Variants in SCN8A observed in about 807,000 individuals in gnomAD.
SCN8A encodes sodium channel protein type 8 subunit alpha.
SCN8A carries 30 observed loss-of-function variants against 184.1 expected under a neutral mutation model. That is an observed-to-expected ratio of 0.16 (90% CI 0.12 to 0.22). The LOEUF is 0.22. Among genes scored for constraint, SCN8A ranks in the 10% least tolerant of loss-of-function variants. The pLI is 1.00. For synonymous variants in SCN8A, 852 were observed against 907.0 expected (o/e 0.94, Z 1.09); for missense variants, 1,057 against 2,498.9 (o/e 0.42, Z 12.30).
At chr12:51,663,159 G>C in intron 2 of SCN8A, 66 bp downstream of exon 2, 1 of 1,552,406 alleles carries the variant, frequency 6.4e-7, no homozygotes, top group Non-Finnish European at 8.8e-7. Flanking sequence ...AGATGGGGGA[G>C]AAAGAACTGT....
intron 13 of SCN8A, among the ~76,000 whole-genome samples, chr12:51,746,696 G>T (rs1410623155): frequency 6.6e-6 from 1 of 152,026 alleles, no homozygotes; most frequent in Non-Finnish European, 1.5e-5. Flanking sequence ...TGTTAGGTGG[G>T]TTCTCTGTGA....
At chr12:51,733,279 A>G (rs1942273046) in intron 12 of SCN8A, among the ~76,000 whole-genome samples, 1 of 152,164 alleles carries the variant, frequency 6.6e-6, no homozygotes, top group Non-Finnish European at 1.5e-5. Flanking sequence ...GTTGAATTTT[A>G]TAAAATGCTT....
At chr12:51,661,848 A>G (rs984308047) in intron 1 of SCN8A, among the ~76,000 whole-genome samples, 1 of 152,232 alleles carries the variant, frequency 6.6e-6, no homozygotes, top group Non-Finnish European at 1.5e-5. Context: ...TCTTATAAAC[A>G]TAAATGGAAA....
In SCN8A at chr12:51,706,528, T is replaced by C. The variant is rs1347263498; in HGVS notation, c.1448T>C (p.Leu483Pro). 1.9e-6 allele frequency: 3 copies of C among 1,605,618 alleles called. No homozygotes were observed. Among genetic ancestry groups the C allele is most frequent in the Non-Finnish European group, 2.6e-6 (3 of 1,176,120 alleles). ...CGGAGCTCTTCTGAAATCTCTAAAC[T>C]CAGCTCAAAGAGTGCAAAGGAAAGA... ...SPRSSSEISKLSSKSAKERRN... is the reference protein window; with the variant it reads ...SPRSSSEISKPSSKSAKERRN... The change falls in exon 11 of 27, where the codon CTC becomes CCC. Residue 483 changes from leucine (L) to proline (P), a missense_variant. Around this residue, in one of 19 missense-constraint regions of SCN8A, gnomAD observed 322 missense variants for 390.1 expected, o/e 0.83. Coordinates refer to ENST00000627620, the MANE Select transcript of SCN8A (RefSeq NM_001330260.2).
chr12:51,610,574 G>A (rs760636068), intron 1 of SCN8A, among the ~76,000 whole-genome samples: 31 of 152,116 alleles, frequency 2.0e-4, no homozygotes, highest in Admixed American at 3.9e-4. Context: ...AGCAGTTCTT[G>A]TACTGGTGGC....
chr12:51,773,053 G>C (rs1432381918), intron 19 of SCN8A, among the ~76,000 whole-genome samples: 1 of 151,910 alleles, frequency 6.6e-6, no homozygotes, highest in Non-Finnish European at 1.5e-5. Flanking sequence ...GGAGGTGGAG[G>C]TTGCAGTGAG....
At chr12:51,770,235 A>C in intron 18 of SCN8A, 1 of 588,584 alleles carries the variant, frequency 1.7e-6, no homozygotes, top group Admixed American at 3.1e-5. Flanking sequence ...TTTCCATTAG[A>C]ATGTCCTGTT....
intron 1 of SCN8A, among the ~76,000 whole-genome samples, chr12:51,629,051 A>G (rs1374381621): frequency 6.6e-6 from 1 of 152,156 alleles, no homozygotes; most frequent in Non-Finnish European, 1.5e-5. Flanking sequence ...CAGAACAGGG[A>G]TTTGACTACT....
At chr12:51,598,306 C>A (rs750949572) in intron 1 of SCN8A, among the ~76,000 whole-genome samples, 12 of 152,170 alleles carry the variant, frequency 7.9e-5, no homozygotes, top group Non-Finnish European at 1.5e-4. Context: ...TCCCCTCCAA[C>A]AATTCCTTTG....
intron 1 of SCN8A, among the ~76,000 whole-genome samples, chr12:51,610,381 T>A (rs1469538084): frequency 1.3e-5 from 2 of 152,154 alleles, no homozygotes; most frequent in African/African-American, 4.8e-5. Flanking sequence ...AATGTTAGTA[T>A]TGAGATGTGA....
chr12:51,781,651 C>T (rs754824908), intron 21 of SCN8A, among the ~76,000 whole-genome samples: 20 of 151,198 alleles, frequency 1.3e-4, no homozygotes, highest in East Asian at 3.9e-4. Flanking sequence ...TGCGTGCACG[C>T]GCACGCACGC....
At chr12:51,650,837 G>A (rs1940696067) in intron 1 of SCN8A, among the ~76,000 whole-genome samples, 1 of 152,210 alleles carries the variant, frequency 6.6e-6, no homozygotes, top group African/African-American at 2.4e-5. Context: ...ATAGAAGTGT[G>A]AAGTGGGAAA....
intron 12 of SCN8A, among the ~76,000 whole-genome samples, chr12:51,729,810 C>T (rs1419631489): frequency 1.3e-5 from 2 of 152,182 alleles, no homozygotes; most frequent in Admixed American, 1.3e-4. Flanking sequence ...ACACTTGCTC[C>T]ACATCCTAGC....
chr12:51,789,489 T>G, intron 24 of SCN8A, 71 bp downstream of exon 24: 7 of 1,484,600 alleles, frequency 4.7e-6, no homozygotes, highest in African/African-American at 1.4e-5. Flanking sequence ...TCCCTATCTC[T>G]AGAAAGAAAA....
intron 14 of SCN8A, among the ~76,000 whole-genome samples, chr12:51,754,130 A>C (rs577067660): frequency 2.0e-5 from 3 of 152,172 alleles, no homozygotes; most frequent in African/African-American, 7.2e-5. Flanking sequence ...TCCAATCCAC[A>C]TGTTTTATAG....
chr12:51,775,657 G>A (rs192044891), intron 20 of SCN8A, among the ~76,000 whole-genome samples: 5 of 152,324 alleles, frequency 3.3e-5, no homozygotes, highest in Admixed American at 2.0e-4. Flanking sequence ...AAGACTTAAA[G>A]AATGGGATTG....
chr12:51,639,729 G>A (rs921992441), intron 1 of SCN8A, among the ~76,000 whole-genome samples: 29 of 151,392 alleles, frequency 1.9e-4, no homozygotes, highest in African/African-American at 6.5e-4. Flanking sequence ...CCCATTCTTC[G>A]GCAACCACCA....
intron 21 of SCN8A, among the ~76,000 whole-genome samples, 168 bp downstream of exon 21, chr12:51,780,939 G>A (rs1002122049): frequency 1.3e-5 from 2 of 152,084 alleles, no homozygotes; most frequent in Non-Finnish European, 2.9e-5. Context: ...AAGGGGAATT[G>A]CGTTAAGCTG....
Position 51,705,406 on chromosome 12 carries a change from T to C in SCN8A, c.1135-11T>C, listed in dbSNP as rs377566957. On this transcript the variant is annotated splice_polypyrimidine_tract_variant and intron_variant, in intron 9 of 26. Transcript: ENST00000627620. Reference sequence around the variant, plus strand: ...TACAAGTGACTCAGAAAATGGCCTTTGTCTTTGCAGACTTTACGAGCAGCC... The same window carrying C: ...TACAAGTGACTCAGAAAATGGCCTTCGTCTTTGCAGACTTTACGAGCAGCC... 9.3e-6 allele frequency: 15 copies of C among 1,613,442 alleles called. No homozygotes were observed. The highest frequency in any genetic ancestry group is 1.3e-5 in the African/African-American group (1 of 74,914).
Sources: allele counts gnomAD v4.1 joint callset (sites outside exome capture counted in the v4.1 genomes callset), GRCh38; gene constraint gnomAD v4.1.1; regional missense constraint gnomAD v4.1.1; transcripts MANE v1.5; gene names NCBI Gene and HGNC (gene_info 2026-07-23, HGNC 2026-07-21).